CYRIB: variants seen among roughly 807,000 people sequenced by gnomAD.
CYRIB encodes the protein CYFIP-related Rac1 interactor B.
CYRIB carries 8 observed loss-of-function variants against 44.2 expected under a neutral mutation model. That is an observed-to-expected ratio of 0.18 (90% CI 0.11 to 0.33). The LOEUF (loss-of-function observed/expected upper bound fraction) is 0.33. Among genes scored for constraint, CYRIB ranks in the 10% least tolerant of loss-of-function variants. The pLI is 1.00. For synonymous variants in CYRIB, 131 were observed against 127.2 expected, an observed-to-expected ratio of 1.03 and a Z score of -0.20; for missense variants, 185 against 382.8, an observed-to-expected ratio of 0.48 and a Z score of 4.31.
intron 1 of CYRIB, among the ~76,000 whole-genome samples, chr8:129,986,809 G>A (rs1323503814): frequency 6.6e-6 from 1 of 152,130 alleles, no homozygotes; most frequent in Admixed American, 6.5e-5. Flanking sequence ...AACAGAAAAC[G>A]GACAAGACAC....
At chr8:129,845,315 C>G (rs1350067217) in intron 11 of CYRIB, among the ~76,000 whole-genome samples, 4 of 152,142 alleles carry the variant, frequency 2.6e-5, no homozygotes, top group Non-Finnish European at 5.9e-5. Context: ...CCTGACCAAT[C>G]AGAAAGACAA....
intron 1 of CYRIB, among the ~76,000 whole-genome samples, chr8:130,006,651 CATATATATATGTAT>C (rs1564800632): frequency 3.0e-5 from 3 of 100,102 alleles, no homozygotes; most frequent in Admixed American, 1.1e-4. Flanking sequence ...TATATATATA[CATATATATATGTAT>C]ATATATATGT....
At chr8:129,933,731 G>A (rs2092207294) in intron 1 of CYRIB, among the ~76,000 whole-genome samples, 1 of 151,988 alleles carries the variant, frequency 6.6e-6, no homozygotes, top group Non-Finnish European at 1.5e-5. Flanking sequence ...AAAATTAGCT[G>A]GGCATGGTGG....
intron 4 of CYRIB, 47 bp from the exon 7 acceptor site, chr8:129,862,381 AG>A: frequency 1.5e-6 from 2 of 1,356,074 alleles, no homozygotes; most frequent in Non-Finnish European, 2.1e-6. Flanking sequence ...AAAAAAAAAA[AG>A]GTTCATTTTT....
intron 3 of CYRIB, among the ~76,000 whole-genome samples, chr8:129,875,110 A>C (rs1588208338): frequency 6.6e-6 from 1 of 152,214 alleles, no homozygotes; most frequent in Admixed American, 6.5e-5. Context: ...ACTAAATACA[A>C]GTCTCTTTTC....
At chr8:129,946,669 G>A (rs918236095) in intron 2 of CYRIB, among the ~76,000 whole-genome samples, 5 of 152,118 alleles carry the variant, frequency 3.3e-5, no homozygotes, top group Admixed American at 3.3e-4. Context: ...AGTCTCACAG[G>A]AGCCATAAAG....
intron 2 of CYRIB, among the ~76,000 whole-genome samples, chr8:129,880,006 G>A (rs1056481623): frequency 5.3e-5 from 8 of 152,036 alleles, no homozygotes; most frequent in African/African-American, 1.2e-4. Context: ...GTGGAGGTAC[G>A]GAGACTACTG....
At chr8:129,853,700 A>C (rs868553691) in intron 7 of CYRIB, among the ~76,000 whole-genome samples, 39 of 152,364 alleles carry the variant, frequency 2.6e-4, no homozygotes, top group Middle Eastern at 6.8e-3. Flanking sequence ...GATGGTAAGA[A>C]GTTAAGAGAC....
At chr8:130,009,572 A>C (rs2097176581) in intron 1 of CYRIB, among the ~76,000 whole-genome samples, 1 of 152,012 alleles carries the variant, frequency 6.6e-6, no homozygotes, top group African/African-American at 2.4e-5. Context: ...CCGGCCCAAA[A>C]GCATCATGAA....
chr8:129,882,856 T>C (rs186452696), intron 2 of CYRIB, among the ~76,000 whole-genome samples: 48 of 152,186 alleles, frequency 3.2e-4, no homozygotes, highest in Admixed American at 2.8e-3. Context: ...CTCATAAGGA[T>C]TGAGAATTTC....
At chr8:129,954,115 A>T (rs1254494505) in intron 2 of CYRIB, among the ~76,000 whole-genome samples, 1 of 152,200 alleles carries the variant, frequency 6.6e-6, no homozygotes, top group African/African-American at 2.4e-5. Context: ...TAATACACAG[A>T]AGAGGGCAAA....
intron 2 of CYRIB, among the ~76,000 whole-genome samples, chr8:129,884,038 T>C (rs1335247895): frequency 6.6e-6 from 1 of 152,188 alleles, no homozygotes; most frequent in Non-Finnish European, 1.5e-5. Context: ...CACAAGAGAA[T>C]GAACCAATAT....
intron 5 of CYRIB, among the ~76,000 whole-genome samples, chr8:129,859,101 G>A (rs182416347): frequency 6.6e-6 from 1 of 152,292 alleles, no homozygotes; most frequent in East Asian, 1.9e-4. Flanking sequence ...GATACAAGAC[G>A]AAGGGGCAGG....
chr8:129,990,674 A>T (rs1332080708), intron 1 of CYRIB, among the ~76,000 whole-genome samples: 2 of 152,030 alleles, frequency 1.3e-5, no homozygotes, highest in African/African-American at 4.8e-5. Flanking sequence ...GGTATGTGCC[A>T]CTACACCTAG....
At chr8:129,856,250 A>C (rs2046169269) in intron 5 of CYRIB, among the ~76,000 whole-genome samples, 1 of 152,212 alleles carries the variant, frequency 6.6e-6, no homozygotes, top group African/African-American at 2.4e-5. Flanking sequence ...GCTACTAAAG[A>C]GAACAAAATA....
At chr8:129,869,999 A>C in intron 4 of CYRIB, among the ~76,000 whole-genome samples, 1 of 152,116 alleles carries the variant, frequency 6.6e-6, no homozygotes. Context: ...GGGGCGTTGA[A>C]GAAAAAAATG....
intron 2 of CYRIB, among the ~76,000 whole-genome samples, chr8:129,968,764 A>C (rs2095580540): frequency 6.6e-6 from 1 of 152,188 alleles, no homozygotes; most frequent in South Asian, 2.1e-4. Context: ...CTTGCTGGTA[A>C]CTTTTTTTCC....
intron 1 of CYRIB, among the ~76,000 whole-genome samples, chr8:129,990,625 G>A (rs564267659): frequency 6.6e-6 from 1 of 152,048 alleles, no homozygotes; most frequent in Non-Finnish European, 1.5e-5. Flanking sequence ...AGGCTCAAGC[G>A]ATCCTCCTGC....
chr8:129,982,477 C>T (rs1480924348), intron 1 of CYRIB, among the ~76,000 whole-genome samples: 2 of 152,210 alleles, frequency 1.3e-5, no homozygotes, highest in Non-Finnish European at 2.9e-5. Context: ...TCTGGTTTTC[C>T]ATTTATGGAA....
Sources: allele counts gnomAD v4.1 joint callset (sites outside exome capture counted in the v4.1 genomes callset), GRCh38; gene constraint gnomAD v4.1.1; transcripts MANE v1.5; gene names NCBI Gene and HGNC (gene_info 2026-07-23, HGNC 2026-07-21).